The following DCC variants were observed in gnomAD, a reference collection of about 807,000 sequenced individuals.
The protein encoded by DCC is DCC netrin 1 receptor, also known as netrin receptor DCC.
Under a neutral mutation model 172.5 loss-of-function variants are expected in DCC, and 58 were observed. The observed-to-expected ratio is 0.34, with a 90% CI of 0.27 to 0.42. The LOEUF is 0.42. Ranked by LOEUF, DCC falls within the 10% of genes least tolerant of loss-of-function variation. The pLI, the probability that DCC is intolerant of heterozygous loss-of-function variation, is 1.00. For missense variants in DCC, 1,740 were observed against 1,791.0 expected (o/e 0.97, Z 0.51); for synonymous variants, 709 against 644.5 (o/e 1.10, Z -1.52).
At chr18:52,484,694 T>C (rs2030123154) in intron 1 of DCC, among the ~76,000 whole-genome samples, 1 of 151,756 alleles carries the variant, frequency 6.6e-6, no homozygotes, top group Non-Finnish European at 1.5e-5. Flanking sequence ...AACAGATTGC[T>C]ACCAAGAGCA....
At chr18:52,583,051 A>C (rs1172746848) in intron 1 of DCC, among the ~76,000 whole-genome samples, 1 of 151,840 alleles carries the variant, frequency 6.6e-6, no homozygotes, top group Non-Finnish European at 1.5e-5. Flanking sequence ...TCAAATAGGG[A>C]CCTCTTTCTA....
intron 5 of DCC, among the ~76,000 whole-genome samples, chr18:52,965,520 CA>C (rs2040914927): frequency 6.6e-6 from 1 of 151,984 alleles, no homozygotes; most frequent in Non-Finnish European, 1.5e-5. Context: ...AATGACCTTG[CA>C]AATGTGAATT....
chr18:53,158,115 C>A (rs984185457), intron 8 of DCC, among the ~76,000 whole-genome samples: 3 of 147,264 alleles, frequency 2.0e-5, no homozygotes, highest in Non-Finnish European at 3.0e-5. Flanking sequence ...TATGTCCCCA[C>A]GAAAATTAAA....
intron 1 of DCC, among the ~76,000 whole-genome samples, chr18:52,662,987 A>G (rs2035391066): frequency 6.6e-6 from 1 of 152,204 alleles, no homozygotes; most frequent in Non-Finnish European, 1.5e-5. Flanking sequence ...CTAGGATTTC[A>G]AAATATGAAT....
chr18:53,344,240 T>C (rs780019065), intron 15 of DCC, among the ~76,000 whole-genome samples: 1 of 152,048 alleles, frequency 6.6e-6, no homozygotes, highest in Non-Finnish European at 1.5e-5. Flanking sequence ...TTGTTGTTCC[T>C]CTAGGTATCA....
chr18:53,164,173 T>G (rs1241117103), intron 8 of DCC, among the ~76,000 whole-genome samples: 1 of 152,210 alleles, frequency 6.6e-6, no homozygotes, highest in Non-Finnish European at 1.5e-5. Flanking sequence ...ATTCCAATAA[T>G]TTTTTGACTT....
chr18:53,255,816 T>C (rs1026110775), intron 12 of DCC, among the ~76,000 whole-genome samples: 1 of 152,176 alleles, frequency 6.6e-6, no homozygotes, highest in Non-Finnish European at 1.5e-5. Flanking sequence ...TGAACTAGTT[T>C]ACAGTTCCAC....
chr18:52,915,145 C>T (rs1225945863), intron 3 of DCC, among the ~76,000 whole-genome samples: 1 of 152,046 alleles, frequency 6.6e-6, no homozygotes, highest in Non-Finnish European at 1.5e-5. Context: ...CTCTGTGTCT[C>T]AGTTATTCTT....
At chr18:53,318,849 G>C (rs1327064410) in intron 13 of DCC, among the ~76,000 whole-genome samples, 1 of 149,776 alleles carries the variant, frequency 6.7e-6, no homozygotes, top group African/African-American at 2.5e-5. Context: ...AAGATGTTAA[G>C]GGCAGCCAGA....
chr18:53,247,271 C>T (rs1295523067), intron 12 of DCC, among the ~76,000 whole-genome samples: 1 of 151,950 alleles, frequency 6.6e-6, no homozygotes, highest in Admixed American at 6.6e-5. Context: ...CTTCTTGATC[C>T]TAAGTCTAAG....
At chr18:53,513,443 G>C (rs1024625479) in intron 27 of DCC, among the ~76,000 whole-genome samples, 50 of 152,274 alleles carry the variant, frequency 3.3e-4, no homozygotes, top group African/African-American at 1.2e-3. Flanking sequence ...ATAATGACAG[G>C]ATCAAATTCA....
intron 5 of DCC, among the ~76,000 whole-genome samples, chr18:52,981,461 G>A (rs757875714): frequency 1.3e-5 from 2 of 151,858 alleles, no homozygotes; most frequent in Non-Finnish European, 2.9e-5. Context: ...ATGACAATGA[G>A]TATCTTCTGA....
At chr18:52,900,178 T>TTC (rs1368282244) in intron 2 of DCC, among the ~76,000 whole-genome samples, 5 of 152,220 alleles carry the variant, frequency 3.3e-5, no homozygotes, top group African/African-American at 1.2e-4. Flanking sequence ...GTCTCAGGTA[T>TTC]TCAAACACAC....
chr18:52,481,386 T>C (rs1480896026), intron 1 of DCC, among the ~76,000 whole-genome samples: 1 of 152,084 alleles, frequency 6.6e-6, no homozygotes, highest in Non-Finnish European at 1.5e-5. Flanking sequence ...ACATTTGCTA[T>C]TTAATCTACC....
chr18:53,002,770 A>G (rs1019340326), intron 5 of DCC, among the ~76,000 whole-genome samples: 1 of 152,162 alleles, frequency 6.6e-6, no homozygotes, highest in African/African-American at 2.4e-5. Flanking sequence ...TTTTTGAATG[A>G]GTGTTAGCCT....
chr18:52,931,895 A>G (rs534028173), intron 5 of DCC: 1 of 152,246 alleles, frequency 6.6e-6, no homozygotes, highest in East Asian at 1.9e-4. Context: ...GCTTCGTATA[A>G]TTACAATTCG....
intron 5 of DCC, among the ~76,000 whole-genome samples, chr18:52,943,773 G>A (rs1165862297): frequency 6.6e-6 from 1 of 151,194 alleles, no homozygotes; most frequent in Non-Finnish European, 1.5e-5. Flanking sequence ...TGTTTGAGAT[G>A]GAGTCTCACT....
rs2144647462 is a variant in DCC at position 53,533,656 on chromosome 18, T to G, written c.*3003T>G. On this transcript the variant is annotated 3_prime_UTR_variant, in exon 29 of 29. Coordinates refer to ENST00000442544, the MANE Select transcript of DCC (RefSeq NM_005215.4). ...ATATTTCGTAGTGAATCATAGCCAA[T>G]AAGAAACCAGTCATACTTGCCTCTT... 6.6e-6 allele frequency: 1 copy of G among 152,266 alleles called. No homozygotes were observed. Among genetic ancestry groups the G allele is most frequent in the South Asian group, 2.1e-4 (1 of 4,830 alleles). 9.4% of individuals were successfully genotyped at this position (152,266 alleles called of 1,614,324 possible).
At chr18:53,433,573 A>C (rs988868452) in intron 21 of DCC, among the ~76,000 whole-genome samples, 1 of 152,122 alleles carries the variant, frequency 6.6e-6, no homozygotes, top group African/African-American at 2.4e-5. Context: ...ATTTATGTAG[A>C]GCTTCCACCT....
Sources: gnomAD v4.1 joint callset for allele counts (sites outside exome capture counted in the v4.1 genomes callset) on GRCh38, gnomAD v4.1.1 for gene constraint, MANE v1.5 for transcripts, NCBI Gene and HGNC (gene_info 2026-07-23, HGNC 2026-07-21) for gene names.